Variants in SDK1 observed in about 807,000 individuals in gnomAD.
SDK1 encodes the protein protein sidekick-1.
Under a neutral mutation model 245.5 loss-of-function variants are expected in SDK1, and 157 were observed. That is an observed-to-expected ratio of 0.64 (90% CI 0.56 to 0.73). The LOEUF is 0.73. SDK1 is among the 30% of genes least tolerant of loss of function. The probability of loss-of-function intolerance (pLI) is 0.00; values close to 1 mark genes in which losing one functional copy is unlikely to be tolerated. For synonymous variants in SDK1, 1,647 were observed against 1,278.5 expected (o/e 1.29, Z -6.15); for missense variants, 3,583 against 3,002.3 (o/e 1.19, Z -4.52).
intron 27 of SDK1, among the ~76,000 whole-genome samples, chr7:4,130,853 G>C (rs1451907860): frequency 6.6e-6 from 1 of 152,130 alleles, no homozygotes; most frequent in African/African-American, 2.4e-5. Context: ...CCTGGGGATC[G>C]GAGTGGCTGA....
intron 1 of SDK1, among the ~76,000 whole-genome samples, chr7:3,468,709 A>G (rs1490622486): frequency 6.6e-6 from 1 of 152,154 alleles, no homozygotes; most frequent in East Asian, 1.9e-4. Context: ...GTCTGTTAGC[A>G]TTAGATCGTA....
chr7:3,991,427 G>A (rs1297890741), intron 14 of SDK1, among the ~76,000 whole-genome samples: 1 of 152,098 alleles, frequency 6.6e-6, no homozygotes, highest in Non-Finnish European at 1.5e-5. Context: ...GCTTCCCTTT[G>A]CGCACCTGCG....
At chr7:3,332,304 A>G (rs533122580) in intron 1 of SDK1, among the ~76,000 whole-genome samples, 1 of 152,280 alleles carries the variant, frequency 6.6e-6, no homozygotes, top group South Asian at 2.1e-4. Flanking sequence ...AAGTTGTGCA[A>G]ATTAATCCTA....
intron 4 of SDK1, among the ~76,000 whole-genome samples, chr7:3,683,365 A>C (rs1784168648): frequency 6.6e-6 from 1 of 152,190 alleles, no homozygotes; most frequent in African/African-American, 2.4e-5. Context: ...TCTGTTAACA[A>C]AACTGGTTTA....
intron 1 of SDK1, among the ~76,000 whole-genome samples, chr7:3,544,714 C>A (rs1476984013): frequency 6.6e-6 from 1 of 152,166 alleles, no homozygotes; most frequent in Non-Finnish European, 1.5e-5. Context: ...ACAGCACTTA[C>A]CAACCATAAA....
At chr7:3,952,732 G>T (rs1272419609) in intron 7 of SDK1, among the ~76,000 whole-genome samples, 1 of 151,808 alleles carries the variant, frequency 6.6e-6, no homozygotes, top group African/African-American at 2.4e-5. Context: ...CTCAAACTGG[G>T]CGACATATTA....
intron 25 of SDK1, among the ~76,000 whole-genome samples, chr7:4,116,961 G>A (rs762615744): frequency 6.6e-6 from 1 of 152,174 alleles, no homozygotes; most frequent in African/African-American, 2.4e-5. Context: ...AGGTGGAGAC[G>A]CACCCACATG....
chr7:4,203,036 G>A (rs1783979789), intron 35 of SDK1, among the ~76,000 whole-genome samples: 1 of 152,196 alleles, frequency 6.6e-6, no homozygotes, highest in Non-Finnish European at 1.5e-5. Context: ...GGGACGGCGA[G>A]CACAGGGAGG....
Position 4,127,454 on chromosome 7 carries a change from C to T in SDK1, c.3897C>T (p.Ser1299=), listed in dbSNP as rs763950298. 16 of 1,614,132 alleles carry T rather than the reference C, an allele frequency of 9.9e-6. No homozygotes were observed. Among genetic ancestry groups the T allele is most frequent in the South Asian group, 5.5e-5 (5 of 91,076 alleles). The change falls in exon 26 of 45, where the codon TCC becomes TCT. Residue 1299 remains serine, a synonymous_variant. Transcript: ENST00000404826. ...CCCAGATTTTACTGACATGGACATC[C>T]GTGCCGGAACAGGACCAGAATGGGC... ...SSTQILLTWT[S]VPEQDQNGLI... is the part of the protein sequence containing the mutation.
chr7:3,465,734 G>C (rs1005025711), intron 1 of SDK1, among the ~76,000 whole-genome samples: 1 of 152,160 alleles, frequency 6.6e-6, no homozygotes, highest in Non-Finnish European at 1.5e-5. Flanking sequence ...GTGTGAAGGA[G>C]TGTCCTGTCA....
chr7:3,612,367 A>C (rs1035365559), intron 1 of SDK1, among the ~76,000 whole-genome samples: 1 of 152,216 alleles, frequency 6.6e-6, no homozygotes, highest in Non-Finnish European at 1.5e-5. Flanking sequence ...CCAGAAGTAC[A>C]TTTGAAAATC....
intron 1 of SDK1, among the ~76,000 whole-genome samples, chr7:3,593,788 C>G (rs926912735): frequency 6.6e-6 from 1 of 152,182 alleles, no homozygotes; most frequent in African/African-American, 2.4e-5. Flanking sequence ...AACGTAAGCT[C>G]TTGAGACAGG....
intron 1 of SDK1, among the ~76,000 whole-genome samples, chr7:3,503,741 A>G (rs1402462772): frequency 6.6e-6 from 1 of 152,190 alleles, no homozygotes; most frequent in Admixed American, 6.5e-5. Context: ...TTAAGAGTAA[A>G]CTTTAAAAAG....
chr7:3,914,590 A>G (rs1779300708), intron 5 of SDK1, among the ~76,000 whole-genome samples: 1 of 152,204 alleles, frequency 6.6e-6, no homozygotes. Context: ...AAGCTAGGGA[A>G]GTTCAAAGGC....
At chr7:3,881,961 C>G (rs902616520) in intron 5 of SDK1, among the ~76,000 whole-genome samples, 1 of 152,036 alleles carries the variant, frequency 6.6e-6, no homozygotes, top group African/African-American at 2.4e-5. Flanking sequence ...AAAGACATAC[C>G]TGAGACTGGG....
chr7:3,653,206 G>A lies in SDK1; in HGVS notation c.713+11101G>A, dbSNP rs146976855. On this transcript the variant is annotated intron_variant, in intron 4 of 44. Coordinates refer to ENST00000404826, the MANE Select transcript of SDK1 (RefSeq NM_152744.4). The stretch of plus-strand genomic sequence containing the variant: ...ACGCCACCCCAGCTGACTGTTAGGT[G>A]ACACATAGCTTCGTGCAGCCTCTCT... Among the ~76,000 whole-genome samples the A allele has an allele frequency of 7.8e-3, 1,188 of 152,294 alleles. 3 individuals carry two copies. Among genetic ancestry groups the A allele is most frequent in the Non-Finnish European group, 0.014 (932 of 68,026 alleles).
rs538138391 is a variant in SDK1, at chr7:3,621,959, A to G, written c.458+2720A>G. The stretch of plus-strand genomic sequence containing the variant: ...TACTTTATAGTATTTAATAAGTCAC[A>G]TGAGATATTCAACAGTTTATTATAA... On this transcript the variant is annotated intron_variant, in intron 2 of 44. Coordinates refer to ENST00000404826, the MANE Select transcript of SDK1 (RefSeq NM_152744.4). 2.6e-4 allele frequency among the ~76,000 whole-genome samples: 39 copies of G among 152,312 alleles called. No individual in the cohort carries two copies. The South Asian group carries it at 3.7e-3, about 15-fold the overall frequency.
At chr7:3,345,487 T>G (rs1780467574) in intron 1 of SDK1, among the ~76,000 whole-genome samples, 1 of 152,200 alleles carries the variant, frequency 6.6e-6, no homozygotes, top group South Asian at 2.1e-4. Context: ...AACTTAGACA[T>G]TCTTACAATA....
intron 5 of SDK1, among the ~76,000 whole-genome samples, chr7:3,860,234 G>A (rs10252169): frequency 0.22 from 32,774 of 151,924 alleles, 3,796 homozygotes; most frequent in Middle Eastern, 0.35. Flanking sequence ...TGTAACAAAG[G>A]CCCTATAACA....
Sources: allele counts gnomAD v4.1 joint callset (sites outside exome capture counted in the v4.1 genomes callset), GRCh38; gene constraint gnomAD v4.1.1; transcripts MANE v1.5; gene names NCBI Gene and HGNC (gene_info 2026-07-23, HGNC 2026-07-21).